The following ZBTB10 variants were observed in gnomAD, a reference collection of about 807,000 sequenced individuals.
ZBTB10 encodes the protein zinc finger and BTB domain containing 10.
Under a neutral mutation model 76.4 loss-of-function variants are expected in ZBTB10, and 32 were observed. That is an observed-to-expected ratio of 0.42 (90% confidence interval 0.32 to 0.56). The LOEUF is 0.56. ZBTB10 is among the 20% of genes least tolerant of loss of function. The pLI is 0.14. For missense variants in ZBTB10, 1,057 were observed against 1,098.5 expected, an observed-to-expected ratio of 0.96 and a Z score of 0.53; for synonymous variants, 523 against 432.9, an observed-to-expected ratio of 1.21 and a Z score of -2.58.
At chr8:80,493,205 GCGCACACACACA>G (rs1427171313) in intron 1 of ZBTB10, among the ~76,000 whole-genome samples, 1,437 of 98,442 alleles carry the variant, frequency 0.015, 33 homozygotes, top group African/African-American at 0.048. Flanking sequence ...GCGCGCGCGC[GCGCACACACACA>G]CACACACACA....
chr8:80,505,436 A>AT lies in ZBTB10; in HGVS notation c.1861+5062dup, dbSNP rs547509907. Among the ~76,000 whole-genome samples the AT allele has an allele frequency of 7.9e-5, 12 of 152,084 alleles. 1 individual carries two copies. In the South Asian group the frequency reaches 1.7e-3, roughly 21 times the overall value. ...AAGCTGATGTAGTTCTATGTAAATG[A>AT]TTTTTTTTCCTTATGCCATACGAAT... On this transcript the variant is annotated intron_variant, in intron 2 of 5. Transcript: ENST00000455036.
intron 5 of ZBTB10, 122 bp from the exon 6 acceptor site, chr8:80,519,101 A>G: frequency 7.1e-7 from 1 of 1,399,580 alleles, no homozygotes; most frequent in South Asian, 1.5e-5. Flanking sequence ...ACTGATAGTG[A>G]GCTTTTTACA....
chr8:80,517,896 T>TG (rs1350249569), intron 3 of ZBTB10, among the ~76,000 whole-genome samples: 11 of 145,428 alleles, frequency 7.6e-5, no homozygotes, highest in Non-Finnish European at 1.6e-4. Context: ...TTTTTTTTTT[T>TG]GAGACATGAT....
At chr8:80,497,677 T>A (rs1815820890) in intron 1 of ZBTB10, among the ~76,000 whole-genome samples, 1 of 144,872 alleles carries the variant, frequency 6.9e-6, no homozygotes, top group South Asian at 2.3e-4. Context: ...AAGTGTGTCC[T>A]GGAATCTTTT....
chr8:80,524,916 A>G lies in ZBTB10; in HGVS notation c.*5388A>G, dbSNP rs1816527300. ...AAGGCAGTATTGACCAGACATTTCT[A>G]TTTCAGAGTTGGATTTGTGCTTAGT... On this transcript the variant is annotated 3_prime_UTR_variant, in exon 6 of 6. Transcript: ENST00000455036. The G allele has an allele frequency of 6.6e-6, 1 of 152,102 alleles. No homozygotes were observed. The highest frequency in any genetic ancestry group is 2.4e-5 in the African/African-American group (1 of 41,444). 9.4% of individuals were successfully genotyped at this position (152,102 alleles called of 1,614,324 possible). A position where few individuals can be genotyped will look rare whatever the true frequency, so the allele number is the denominator to read the frequency against.
rs1222958448 is a variant in ZBTB10, at chr8:80,525,212, A to G, written c.*5684A>G. On this transcript the variant is annotated 3_prime_UTR_variant, in exon 6 of 6. Coordinates refer to ENST00000455036, the MANE Select transcript of ZBTB10 (RefSeq NM_001105539.3). ...TGAATTATTGGATCTATGTTTAGGT[A>G]AGAAAACTAAAGGTACTTCAGAATT... The G allele has an allele frequency of 6.6e-6, 1 of 152,154 alleles. No individual in the cohort carries two copies. 9.4% of individuals were successfully genotyped at this position (152,154 alleles called of 1,614,324 possible).
Position 80,519,337 on chromosome 8 carries a change from G to A in ZBTB10, c.2425G>A (p.Ala809Thr), listed in dbSNP as rs997448279. ...SRRYGVCVDC[A>T]DKSQPGGQEG... ...ACGTTATGGTGTTTGTGTAGACTGT[G>A]CAGATAAATCACAGCCAGGAGGGCA... Residue 809 changes from alanine to threonine, a missense_variant, in exon 6 of 6, where the codon GCA becomes ACA. Transcript: ENST00000455036. 6.2e-7 allele frequency: 1 copy of A among 1,613,670 alleles called. No homozygotes were observed. Among genetic ancestry groups the A allele is most frequent in the African/African-American group, 1.3e-5 (1 of 75,028 alleles).
At position 80,521,925 on chromosome 8, in the gene ZBTB10, TATG is replaced by T. The variant is rs1816456752; in HGVS notation, c.*2400_*2402del. Reference sequence around the variant, plus strand: ...TGGCTATATTTTTAGTCAATTGAAATATGATACTTTAAAAGTTTGTTTTTAGGT... The same window carrying T: ...TGGCTATATTTTTAGTCAATTGAAATATACTTTAAAAGTTTGTTTTTAGGT... On this transcript the variant is annotated 3_prime_UTR_variant, in exon 6 of 6. Coordinates refer to ENST00000455036, the MANE Select transcript of ZBTB10 (RefSeq NM_001105539.3). The T allele has an allele frequency of 6.6e-6, 1 of 151,876 alleles. No individual in the cohort carries two copies. The highest frequency in any genetic ancestry group is 1.5e-5 in the Non-Finnish European group (1 of 67,788). The allele number at this position is 151,876 out of a possible 1,614,324, so 9.4% of individuals were successfully genotyped here.
chr8:80,518,691 T>G, intron 4 of ZBTB10, 91 bp from the exon 5 acceptor site: 1 of 1,485,350 alleles, frequency 6.7e-7, no homozygotes, highest in Non-Finnish European at 8.9e-7. Context: ...TCCACATAAT[T>G]GCTGTTCTCA....
At chr8:80,511,112 C>A (rs1038929014) in intron 2 of ZBTB10, among the ~76,000 whole-genome samples, 14 of 152,164 alleles carry the variant, frequency 9.2e-5, no homozygotes, top group African/African-American at 3.4e-4. Context: ...AAGAACTCAC[C>A]TGTTTTTGAG....
rs992771761 is a variant in ZBTB10, at chr8:80,487,071, C to A, written c.261C>A (p.Ala87=). The A allele has an allele frequency of 3.4e-5, 52 of 1,516,006 alleles. No individual in the cohort carries two copies. Among genetic ancestry groups the A allele is most frequent in the Non-Finnish European group, 4.4e-5 (50 of 1,138,888 alleles). 93.9% of individuals were successfully genotyped at this position (1,516,006 alleles called of 1,614,324 possible). A position where few individuals can be genotyped will look rare whatever the true frequency, so the allele number is the denominator to read the frequency against. ...LEASAGPAAG[A]AEEAKELLLP... ...CCTCCGCCGGGCCGGCCGCCGGCGC[C>A]GCCGAGGAAGCCAAGGAGTTGCTGC... The change falls in exon 1 of 6, where the codon GCC becomes GCA. Residue 87 remains alanine, a synonymous_variant. Transcript: ENST00000455036.
At chr8:80,488,797 A>C (rs1201663419) in intron 1 of ZBTB10, among the ~76,000 whole-genome samples, 1 of 152,118 alleles carries the variant, frequency 6.6e-6, no homozygotes, top group African/African-American at 2.4e-5. Flanking sequence ...ATTCTTTCGT[A>C]TTGGTTAGCC....
rs1320308257 is a variant in ZBTB10 at position 80,521,526 on chromosome 8, ATATT to A, written c.*1999_*2002del. Reference sequence around the variant, plus strand: ...GGTAGATCTGTCTATATATAAATATATATTAAAGAACAAAGATATATATCTAAAA... The same window carrying A: ...GGTAGATCTGTCTATATATAAATATAAAAGAACAAAGATATATATCTAAAA... On this transcript the variant is annotated 3_prime_UTR_variant, in exon 6 of 6. Coordinates refer to ENST00000455036, the MANE Select transcript of ZBTB10 (RefSeq NM_001105539.3). 3 of 151,796 alleles carry A rather than the reference ATATT, an allele frequency of 2.0e-5. No homozygotes were observed. The highest frequency in any genetic ancestry group is 6.6e-5 in the Admixed American group (1 of 15,216). 9.4% of individuals were successfully genotyped at this position (151,796 alleles called of 1,614,324 possible). A position where few individuals can be genotyped will look rare whatever the true frequency, so the allele number is the denominator to read the frequency against.
chr8:80,518,722 T>C (rs1452157461), intron 4 of ZBTB10, 60 bp from the exon 5 acceptor site: 17 of 1,514,206 alleles, frequency 1.1e-5, no homozygotes, highest in Non-Finnish European at 1.5e-5. Context: ...TAAGAAGTTT[T>C]GATAGCAAGT....
In ZBTB10 at chr8:80,518,861, G is replaced by A. The variant is rs1446474289; in HGVS notation, c.2217G>A (p.Arg739=). 5.0e-6 allele frequency: 8 copies of A among 1,612,210 alleles called. No homozygotes were observed. The highest frequency in any genetic ancestry group is 6.8e-6 in the Non-Finnish European group (8 of 1,179,186). Reference sequence around the variant, plus strand: ...CCAAATACAGACGAACACTAAAAAGGCACTTGCTCATTCACACAGGAGTGA... The same window carrying A: ...CCAAATACAGACGAACACTAAAAAGACACTTGCTCATTCACACAGGAGTGA... The part of the protein sequence containing the change: ...YVAKYRRTLK[R]HLLIHTGVRS... The change falls in exon 5 of 6, where the codon AGG becomes AGA. Residue 739 remains arginine, a synonymous_variant. Transcript: ENST00000455036.
chr8:80,487,864 GA>G (rs1438234217), intron 1 of ZBTB10, 82 bp downstream of exon 1: 9 of 1,430,998 alleles, frequency 6.3e-6, no homozygotes, highest in Admixed American at 2.5e-5. Flanking sequence ...ACCCACCCCC[GA>G]AAAAAAACCT....
intron 1 of ZBTB10, among the ~76,000 whole-genome samples, chr8:80,498,323 C>CGGAT (rs1815838631): frequency 6.6e-6 from 1 of 152,136 alleles, no homozygotes; most frequent in Non-Finnish European, 1.5e-5. Context: ...ATCATAGATC[C>CGGAT]ATACATATGT....
intron 1 of ZBTB10, among the ~76,000 whole-genome samples, chr8:80,495,108 G>T (rs759807239): frequency 4.6e-5 from 7 of 151,320 alleles, no homozygotes; most frequent in Non-Finnish European, 5.9e-5. Flanking sequence ...ATTTGGGAGG[G>T]AGAAGGGGAT....
chr8:80,487,176 T>A lies in ZBTB10; in HGVS notation c.366T>A (p.Thr122=), dbSNP rs1360314185. Residue 122 remains threonine, a synonymous_variant, in exon 1 of 6, where the codon ACT becomes ACA. Coordinates refer to ENST00000455036, the MANE Select transcript of ZBTB10 (RefSeq NM_001105539.3). ...GPLLAERNRR[T]LAFRGGGGGG... is the part of the protein sequence containing the mutation. ...TGCTAGCGGAAAGGAACCGTCGGAC[T>A]CTGGCCTTCCGAGGCGGCGGCGGCG... The A allele has an allele frequency of 2.0e-6, 3 of 1,531,650 alleles. No individual in the cohort carries two copies. In the African/African-American group the frequency reaches 4.2e-5, roughly 22 times the overall value. The allele number at this position is 1,531,650 out of a possible 1,614,324, so 94.9% of individuals were successfully genotyped here. A position where few individuals can be genotyped will look rare whatever the true frequency, so the allele number is the denominator to read the frequency against.
Sources: allele counts gnomAD v4.1 joint callset (sites outside exome capture counted in the v4.1 genomes callset), GRCh38; gene constraint gnomAD v4.1.1; transcripts MANE v1.5; gene names NCBI Gene and HGNC (gene_info 2026-07-23, HGNC 2026-07-21).